EYA4: variants seen among roughly 807,000 people sequenced by gnomAD.
EYA4 encodes protein phosphatase EYA4.
Under a neutral mutation model 87.9 loss-of-function variants are expected in EYA4, and 31 were observed. That is an observed-to-expected ratio of 0.35 (90% confidence interval 0.27 to 0.48). The LOEUF (loss-of-function observed/expected upper bound fraction) is 0.48, where lower values mean the gene tolerates loss of function less well. EYA4 is among the 20% of genes least tolerant of loss of function. EYA4 has a pLI of 0.99. For missense variants in EYA4, 678 were observed against 761.4 expected, an observed-to-expected ratio of 0.89 and a Z score of 1.29; for synonymous variants, 263 against 270.6, an observed-to-expected ratio of 0.97 and a Z score of 0.28.
chr6:133,446,600 A>G (rs778582000), intron 3 of EYA4, 30 bp from the exon 4 acceptor site: 17 of 1,613,494 alleles, frequency 1.1e-5, no homozygotes, highest in Admixed American at 1.7e-5. Flanking sequence ...TGCAATTTCA[A>G]CTTTTCTCTG....
At chr6:133,430,208 A>G (rs1791067525) in intron 3 of EYA4, among the ~76,000 whole-genome samples, 1 of 152,248 alleles carries the variant, frequency 6.6e-6, no homozygotes, top group Non-Finnish European at 1.5e-5. Flanking sequence ...CAGCCAAAAC[A>G]TAATGGAATC....
At chr6:133,343,030 C>A (rs995949801) in intron 2 of EYA4, among the ~76,000 whole-genome samples, 7 of 152,112 alleles carry the variant, frequency 4.6e-5, no homozygotes, top group Non-Finnish European at 8.8e-5. Flanking sequence ...ATTTACAGAT[C>A]AATGGCTATT....
intron 2 of EYA4, among the ~76,000 whole-genome samples, chr6:133,285,581 A>G (rs74614690): frequency 7.4e-4 from 113 of 152,310 alleles, no homozygotes; most frequent in African/African-American, 2.6e-3. Flanking sequence ...GTGACATGTA[A>G]AGCAATTGGA....
chr6:133,424,242 G>A (rs1790453639), intron 3 of EYA4, among the ~76,000 whole-genome samples: 1 of 152,182 alleles, frequency 6.6e-6, no homozygotes, highest in Non-Finnish European at 1.5e-5. Flanking sequence ...GGGAGGAAGT[G>A]CCTGCCAAAT....
chr6:133,274,721 C>T lies in EYA4; in HGVS notation c.-60C>T. On this transcript the variant is annotated 5_prime_UTR_variant, in exon 2 of 20. Transcript: ENST00000355286. ...TTTCCATCTTCTTGTTTTAGATAGT[C>T]ATTTTTACTTGAAGGAAGCTGCTTC... is the stretch of plus-strand genomic sequence containing the variant. 7.0e-7 allele frequency: 1 copy of T among 1,418,700 alleles called. No individual in the cohort carries two copies. 87.9% of individuals were successfully genotyped at this position (1,418,700 alleles called of 1,614,324 possible).
chr6:133,430,327 G>C (rs1318344797), intron 3 of EYA4, among the ~76,000 whole-genome samples: 3 of 152,146 alleles, frequency 2.0e-5, no homozygotes, highest in Non-Finnish European at 4.4e-5. Flanking sequence ...CAATACATTT[G>C]GGGGAAACAG....
chr6:133,473,799 G>C (rs1479424111), intron 11 of EYA4, among the ~76,000 whole-genome samples: 7 of 151,900 alleles, frequency 4.6e-5, no homozygotes, highest in Non-Finnish European at 1.5e-5. Flanking sequence ...ATTAGGGTGA[G>C]GTCAGTGAAG....
At chr6:133,479,235 A>G (rs374948087) in intron 11 of EYA4, among the ~76,000 whole-genome samples, 2 of 152,264 alleles carry the variant, frequency 1.3e-5, no homozygotes, top group African/African-American at 4.8e-5. Flanking sequence ...TCTAAAGACT[A>G]ATTTAATGCC....
chr6:133,271,495 C>G (rs1582806805), intron 1 of EYA4, among the ~76,000 whole-genome samples: 2 of 152,214 alleles, frequency 1.3e-5, no homozygotes, highest in South Asian at 2.1e-4. Flanking sequence ...TAGGCAGACC[C>G]ATATCCACAG....
At chr6:133,254,515 G>T (rs533729) in intron 1 of EYA4, among the ~76,000 whole-genome samples, 20,448 of 152,092 alleles carry the variant, frequency 0.13, 1,796 homozygotes, top group East Asian at 0.21. Context: ...ATACAAAGAT[G>T]AGCAAGACCC....
chr6:133,384,755 A>G (rs1302772619), intron 3 of EYA4, among the ~76,000 whole-genome samples: 3 of 152,172 alleles, frequency 2.0e-5, no homozygotes, highest in South Asian at 2.1e-4. Flanking sequence ...TGAGAGTGCC[A>G]GAACTGGCAC....
intron 1 of EYA4, among the ~76,000 whole-genome samples, chr6:133,254,748 C>T (rs1268146290): frequency 6.6e-6 from 1 of 152,132 alleles, no homozygotes; most frequent in Non-Finnish European, 1.5e-5. Flanking sequence ...GTCAGATGAT[C>T]AGATCAGAAG....
At chr6:133,341,358 C>T (rs1284096090) in intron 2 of EYA4, among the ~76,000 whole-genome samples, 1 of 152,120 alleles carries the variant, frequency 6.6e-6, no homozygotes, top group African/African-American at 2.4e-5. Context: ...TTATCCATTC[C>T]ACTGACATTT....
intron 3 of EYA4, among the ~76,000 whole-genome samples, chr6:133,416,288 GACTC>G (rs1180327813): frequency 6.6e-6 from 1 of 152,196 alleles, no homozygotes; most frequent in Non-Finnish European, 1.5e-5. Flanking sequence ...ATAAAGGACT[GACTC>G]ATAAAAGTTT....
At chr6:133,384,448 A>G (rs1192663376) in intron 3 of EYA4, among the ~76,000 whole-genome samples, 1 of 152,192 alleles carries the variant, frequency 6.6e-6, no homozygotes, top group Admixed American at 6.5e-5. Context: ...AAGTTTCCTA[A>G]TCTGTAATGT....
chr6:133,264,218 C>T (rs1020805204), intron 1 of EYA4, among the ~76,000 whole-genome samples: 1 of 152,192 alleles, frequency 6.6e-6, no homozygotes, highest in African/African-American at 2.4e-5. Context: ...CTACTTGGGA[C>T]GGTGGTCCCA....
chr6:133,304,746 T>C (rs1779675855), intron 2 of EYA4, among the ~76,000 whole-genome samples: 1 of 152,212 alleles, frequency 6.6e-6, no homozygotes, highest in South Asian at 2.1e-4. Context: ...GGGATACAAA[T>C]GATCTATCTT....
intron 6 of EYA4, among the ~76,000 whole-genome samples, 157 bp from the exon 7 acceptor site, chr6:133,460,953 TTTAA>T (rs1487853712): frequency 5.9e-5 from 9 of 152,142 alleles, no homozygotes; most frequent in Non-Finnish European, 1.5e-5. Flanking sequence ...CTCAAAGCAG[TTTAA>T]TTAGGAGAAA....
intron 2 of EYA4, among the ~76,000 whole-genome samples, chr6:133,335,557 T>A (rs1426706097): frequency 2.0e-5 from 3 of 152,218 alleles, no homozygotes; most frequent in Non-Finnish European, 4.4e-5. Context: ...ACAATCCAAC[T>A]GTCTTAAGTG....
Sources: allele counts gnomAD v4.1 joint callset (sites outside exome capture counted in the v4.1 genomes callset), GRCh38; gene constraint gnomAD v4.1.1; transcripts MANE v1.5; gene names NCBI Gene and HGNC (gene_info 2026-07-23, HGNC 2026-07-21).